EYA2: variants seen among roughly 807,000 people sequenced by gnomAD.
The protein encoded by EYA2 is EYA transcriptional coactivator and phosphatase 2, also known as protein phosphatase EYA2.
Under a neutral mutation model 69.2 loss-of-function variants are expected in EYA2, and 31 were observed. The ratio of observed to expected loss-of-function variants is 0.45; its 90% CI spans 0.34 to 0.60. The LOEUF (loss-of-function observed/expected upper bound fraction) is 0.60, where lower values mean the gene tolerates loss of function less well. Ranked by LOEUF, EYA2 falls within the 20% of genes least tolerant of loss-of-function variation. The pLI, the probability that EYA2 is intolerant of heterozygous loss-of-function variation, is 0.02. For missense variants in EYA2, 622 were observed against 701.2 expected (o/e 0.89, Z 1.28); for synonymous variants, 257 against 279.4 (o/e 0.92, Z 0.80).
chr20:47,008,612 A>G (rs907168050), intron 4 of EYA2, among the ~76,000 whole-genome samples: 1 of 152,256 alleles, frequency 6.6e-6, no homozygotes, highest in Non-Finnish European at 1.5e-5. Flanking sequence ...ACATGGCATC[A>G]GATGGAAATC....
intron 10 of EYA2, among the ~76,000 whole-genome samples, chr20:47,163,805 G>A (rs552781477): frequency 3.3e-5 from 5 of 151,852 alleles, no homozygotes; most frequent in African/African-American, 1.2e-4. Flanking sequence ...CCTCATCAAG[G>A]GAACTTTAGG....
chr20:46,946,792 C>T (rs6124902), intron 1 of EYA2, among the ~76,000 whole-genome samples: 33,233 of 138,322 alleles, frequency 0.24, 4,672 homozygotes, highest in Admixed American at 0.37. Flanking sequence ...ACCCACCCAA[C>T]GTAGATGATG....
At chr20:47,090,211 G>A (rs2032033607) in intron 8 of EYA2, among the ~76,000 whole-genome samples, 1 of 150,796 alleles carries the variant, frequency 6.6e-6, no homozygotes, top group African/African-American at 2.4e-5. Context: ...GAGAACTAGT[G>A]GTCAGGGATG....
At chr20:47,150,006 GC>G (rs1330732567) in intron 10 of EYA2, among the ~76,000 whole-genome samples, 1 of 152,264 alleles carries the variant, frequency 6.6e-6, no homozygotes, top group Non-Finnish European at 1.5e-5. Flanking sequence ...CAGGAGGTGT[GC>G]CTGAGTGAGG....
chr20:47,108,758 G>A (rs2032663484), intron 9 of EYA2, among the ~76,000 whole-genome samples: 2 of 151,806 alleles, frequency 1.3e-5, no homozygotes, highest in South Asian at 4.2e-4. Flanking sequence ...AGAGACGAGG[G>A]TCTCAGTGGC....
In EYA2 at chr20:47,130,261, C is replaced by CTTTTTTTTTTTTTTTTTTTT. The variant is rs74178703; in HGVS notation, c.889-12796_889-12777dup. Among the ~76,000 whole-genome samples the CTTTTTTTTTTTTTTTTTTTT allele has an allele frequency of 7.4e-5, 6 of 81,264 alleles. 2 individuals are homozygous for CTTTTTTTTTTTTTTTTTTTT. The highest frequency in any genetic ancestry group is 1.1e-4 in the Non-Finnish European group (5 of 45,994). 53.3% of individuals were successfully genotyped at this position (81,264 alleles called of 152,430 possible). Reference sequence around the variant, plus strand: ...AAAGAAATAAAAGAAGGTTTATTTTCTTTTTTTTTTTTTTTTTTTTTGAGA... The same window carrying CTTTTTTTTTTTTTTTTTTTT: ...AAAGAAATAAAAGAAGGTTTATTTTCTTTTTTTTTTTTTTTTTTTTTTTTTTTTTTTTTTTTTTTTTGAGA... On this transcript the variant is annotated intron_variant, in intron 9 of 15. Coordinates refer to ENST00000327619, the MANE Select transcript of EYA2 (RefSeq NM_005244.5).
chr20:47,125,482 T>G (rs1256386364), intron 9 of EYA2, among the ~76,000 whole-genome samples: 1 of 152,202 alleles, frequency 6.6e-6, no homozygotes, highest in Non-Finnish European at 1.5e-5. Flanking sequence ...ACTTATTTTT[T>G]CTTTATCAGC....
intron 1 of EYA2, among the ~76,000 whole-genome samples, chr20:46,972,872 A>G (rs1056378788): frequency 8.5e-5 from 13 of 152,244 alleles, no homozygotes; most frequent in Admixed American, 6.5e-4. Flanking sequence ...AAGAATGTCA[A>G]TGCTGAACAA....
intron 1 of EYA2, among the ~76,000 whole-genome samples, chr20:46,945,174 T>A (rs1297736875): frequency 6.6e-6 from 1 of 152,150 alleles, no homozygotes; most frequent in Non-Finnish European, 1.5e-5. Flanking sequence ...TTGGGTAGCC[T>A]TAGCCTCGCT....
At chr20:46,943,803 T>C (rs1159649818) in intron 1 of EYA2, among the ~76,000 whole-genome samples, 5 of 152,224 alleles carry the variant, frequency 3.3e-5, no homozygotes, top group Admixed American at 2.0e-4. Flanking sequence ...CATGTTTTGT[T>C]GCCTCATTTG....
chr20:46,974,822 C>A (rs1325736315), intron 1 of EYA2, among the ~76,000 whole-genome samples: 2 of 152,104 alleles, frequency 1.3e-5, no homozygotes, highest in African/African-American at 4.8e-5. Context: ...CCCTGCTGAA[C>A]CCAACCAGGA....
At chr20:47,165,347 A>T (rs915219111) in intron 10 of EYA2, among the ~76,000 whole-genome samples, 6 of 152,230 alleles carry the variant, frequency 3.9e-5, no homozygotes, top group Non-Finnish European at 5.9e-5. Context: ...GAGCAGTAAA[A>T]GCTTAGGTGT....
intron 9 of EYA2, among the ~76,000 whole-genome samples, chr20:47,098,630 C>T (rs60983715): frequency 0.028 from 4,282 of 152,320 alleles, 226 homozygotes; most frequent in African/African-American, 0.097. Flanking sequence ...CCCATGTCCC[C>T]TGGCCCATGC....
intron 9 of EYA2, among the ~76,000 whole-genome samples, chr20:47,142,679 T>C (rs2033621198): frequency 6.6e-6 from 1 of 152,204 alleles, no homozygotes; most frequent in Non-Finnish European, 1.5e-5. Flanking sequence ...CTTCCAGACC[T>C]CCCTGAAAAC....
At chr20:46,916,836 A>G (rs537780434) in intron 1 of EYA2, among the ~76,000 whole-genome samples, 2 of 152,318 alleles carry the variant, frequency 1.3e-5, no homozygotes, top group African/African-American at 4.8e-5. Context: ...AGACATTCAT[A>G]TGAAGATTAT....
chr20:46,942,122 C>T (rs922274699), intron 1 of EYA2, among the ~76,000 whole-genome samples: 1 of 152,168 alleles, frequency 6.6e-6, no homozygotes, highest in East Asian at 1.9e-4. Context: ...TTATTAGTAA[C>T]ATGTTTTCTG....
intron 7 of EYA2, among the ~76,000 whole-genome samples, chr20:47,079,002 T>G (rs1351448809): frequency 6.6e-6 from 1 of 152,216 alleles, no homozygotes; most frequent in Non-Finnish European, 1.5e-5. Context: ...GATTAAAAAT[T>G]TATTAATACT....
chr20:46,946,003 G>T (rs569337653), intron 1 of EYA2, among the ~76,000 whole-genome samples: 1 of 152,284 alleles, frequency 6.6e-6, no homozygotes, highest in Admixed American at 6.5e-5. Flanking sequence ...AACCCAAGAG[G>T]GTCTGAAACC....
intron 1 of EYA2, among the ~76,000 whole-genome samples, chr20:46,943,623 G>C (rs2146265527): frequency 6.6e-6 from 1 of 152,320 alleles, no homozygotes; most frequent in Non-Finnish European, 1.5e-5. Flanking sequence ...TGTGTAGCAT[G>C]TAGTTCTTCC....
Sources: allele counts gnomAD v4.1 joint callset (sites outside exome capture counted in the v4.1 genomes callset), GRCh38; gene constraint gnomAD v4.1.1; transcripts MANE v1.5; gene names NCBI Gene and HGNC (gene_info 2026-07-23, HGNC 2026-07-21).